OR4K14: variants seen among roughly 807,000 people sequenced by gnomAD.
OR4K14 encodes the protein olfactory receptor family 4 subfamily K member 14.
For synonymous variants in OR4K14, 153 were observed against 141.5 expected (o/e 1.08, Z -0.58); for missense variants, 406 against 373.6 (o/e 1.09, Z -0.72).
Position 20,015,069 on chromosome 14 carries a change from T to C in OR4K14, c.125A>G (p.Asn42Ser), listed in dbSNP as rs1241820554. ...AATTACAGTGACCAAAATGAGAAGG[T>C]TACCCAGCATAATGGCCACATAGAC... ...FGVYVAIMLG[N>S]LLILVTVISD... Residue 42 changes from asparagine (N) to serine (S), a missense_variant, in exon 2 of 2, where the codon AAC becomes AGC. Physicochemically the swap from Asn to Ser is conservative, Grantham distance 46 (BLOSUM62 1). Transcript: ENST00000641793. 4 of 1,613,638 alleles carry C rather than the reference T, an allele frequency of 2.5e-6. No individual in the cohort carries two copies. Among genetic ancestry groups the C allele is most frequent in the Non-Finnish European group, 2.5e-6 (3 of 1,179,844 alleles).
chr14:20,015,546 T>C (rs1019715901), intron 1 of OR4K14, among the ~76,000 whole-genome samples: 2 of 152,188 alleles, frequency 1.3e-5, no homozygotes, highest in African/African-American at 2.4e-5. Flanking sequence ...AGGTTTTGCA[T>C]TGTCATCACA....
chr14:20,014,896 C>A lies in OR4K14; in HGVS notation c.298G>T (p.Ala100Ser). ...GTAAAGTGCAAGAAGAAGATTTGAG[C>A]CATACATCCTCCAAAGGAGATGAGT... Reference protein sequence around the residue: ...QKLISFGGCMAQIFFLHFTGG... With the variant: ...QKLISFGGCMSQIFFLHFTGG... Residue 100 changes from alanine (A) to serine (S), a missense_variant, in exon 2 of 2, where the codon GCT becomes TCT. Transcript: ENST00000641793. 6.2e-7 allele frequency: 1 copy of A among 1,614,142 alleles called. No individual in the cohort carries two copies. Among genetic ancestry groups the A allele is most frequent in the Non-Finnish European group, 8.5e-7 (1 of 1,180,028 alleles).
In OR4K14 at chr14:20,014,214, T is replaced by A; in HGVS notation, c.*47A>T. 8.5e-7 allele frequency: 1 copy of A among 1,181,294 alleles called. No homozygotes were observed. Among genetic ancestry groups the A allele is most frequent in the Non-Finnish European group, 1.2e-6 (1 of 833,590 alleles). 73.2% of individuals were successfully genotyped at this position (1,181,294 alleles called of 1,614,324 possible). On this transcript the variant is annotated 3_prime_UTR_variant, in exon 2 of 2. Transcript: ENST00000641793. ...GAGCAGAATTATATTAAAGAAATTA[T>A]ATCTGCTGAATGAATAGAAACATCT...
chr14:20,016,524 A>G (rs909997324), intron 1 of OR4K14, among the ~76,000 whole-genome samples: 3 of 152,120 alleles, frequency 2.0e-5, no homozygotes, highest in Non-Finnish European at 4.4e-5. Context: ...TCTCTGAGGA[A>G]AATTTGATCT....
chr14:20,015,260 C>A (rs953583610), intron 1 of OR4K14, 38 bp from the exon 2 acceptor site: 8 of 927,958 alleles, frequency 8.6e-6, no homozygotes, highest in Non-Finnish European at 1.3e-5. Flanking sequence ...TGCAGCAACA[C>A]CTCAAGGACA....
chr14:20,014,680 G>A lies in OR4K14; in HGVS notation c.514C>T (p.Pro172Ser). Residue 172 changes from proline (P) to serine (S), a missense_variant, in exon 2 of 2, where the codon CCC becomes TCC. By Grantham distance (74) the Pro-to-Ser change is moderately conservative. Coordinates refer to ENST00000641793, the MANE Select transcript of OR4K14 (RefSeq NM_001004712.2). ...CAGAAGAAGCTGTCTACCTCATTGG[G>A]GCCACAGTAAGGCAAATTTACAGTG... ...AFTVNLPYCG[P>S]NEVDSFFCDL... 6.2e-7 allele frequency: 1 copy of A among 1,614,012 alleles called. No individual in the cohort carries two copies. The highest frequency in any genetic ancestry group is 8.5e-7 in the Non-Finnish European group (1 of 1,179,980).
chr14:20,016,263 G>A (rs566242229), intron 1 of OR4K14, among the ~76,000 whole-genome samples: 1 of 149,544 alleles, frequency 6.7e-6, no homozygotes, highest in South Asian at 2.1e-4. Context: ...TATGATTAAC[G>A]TGTCTTTCTC....
rs367714506 is a variant in OR4K14, at chr14:20,015,149, A to G, written c.45T>C (p.His15=). The G allele has an allele frequency of 2.5e-6, 4 of 1,612,718 alleles. No individual in the cohort carries two copies. Among genetic ancestry groups the G allele is most frequent in the African/African-American group, 1.3e-5 (1 of 74,770 alleles). The change falls in exon 2 of 2, where the codon CAT becomes CAC. Residue 15 remains histidine (H), a synonymous_variant. Coordinates refer to ENST00000641793, the MANE Select transcript of OR4K14 (RefSeq NM_001004712.2). ...GAAGATGTCGTGAAGTGCAGAGTCC[A>G]TGCAACACAAATTCTGACACCAAGG... ...NYSLVSEFVL[H]GLCTSRHLQN...
rs765277167 is a variant in OR4K14, at chr14:20,014,585, G to T, written c.609C>A (p.Asp203Glu). 2.5e-6 allele frequency: 4 copies of T among 1,614,056 alleles called. No individual in the cohort carries two copies. The Admixed American group carries it at 6.7e-5, about 27-fold the overall frequency. The part of the protein sequence containing the change: ...TYVLGIIMIS[D>E]SGLLSLSCFL... ...AACAGCTCAAGGAAAGCAACCCACTGTCTGAGATCATAATTATACCCAAGA... is the reference window on the plus strand; with the variant it reads ...AACAGCTCAAGGAAAGCAACCCACTTTCTGAGATCATAATTATACCCAAGA... The change falls in exon 2 of 2, where the codon GAC (aspartate) becomes GAA (glutamate). Residue 203 changes from aspartate to glutamate, a missense_variant. Physicochemically the swap from Asp to Glu is conservative, Grantham distance 45. Coordinates refer to ENST00000641793, the MANE Select transcript of OR4K14 (RefSeq NM_001004712.2).
Position 20,014,246 on chromosome 14 carries a change from A to T in OR4K14, c.*15T>A. On this transcript the variant is annotated 3_prime_UTR_variant, in exon 2 of 2. Coordinates refer to ENST00000641793, the MANE Select transcript of OR4K14 (RefSeq NM_001004712.2). ...TGAATGAATAGAAACATCTAACACT[A>T]TGGAAGGCTGGATTTCATTGAAAAG... The T allele has an allele frequency of 6.5e-7, 1 of 1,531,220 alleles. No individual in the cohort carries two copies. The highest frequency in any genetic ancestry group is 1.2e-5 in the South Asian group (1 of 82,526). 94.9% of individuals were successfully genotyped at this position (1,531,220 alleles called of 1,614,324 possible). A position where few individuals can be genotyped will look rare whatever the true frequency, so the allele number is the denominator to read the frequency against.
In OR4K14 at chr14:20,017,426, C is replaced by T. The variant is rs116860793; in HGVS notation, c.-30+1717G>A. 6.1e-3 allele frequency among the ~76,000 whole-genome samples: 930 copies of T among 151,758 alleles called. 9 individuals are homozygous for T. The highest frequency in any genetic ancestry group is 0.014 in the Middle Eastern group (4 of 294). On this transcript the variant is annotated intron_variant, in intron 1 of 1. Transcript: ENST00000641793. ...CCTAGGTTTTATTTAGTTTCTTCAC[C>T]CCACAGATTTTTATTTTTGCTCTTA...
chr14:20,018,009 A>G (rs528496624), intron 1 of OR4K14, among the ~76,000 whole-genome samples: 3 of 152,148 alleles, frequency 2.0e-5, no homozygotes, highest in African/African-American at 7.2e-5. Flanking sequence ...GGTATCACAT[A>G]GAATCCTTCA....
rs565234081 is a variant in OR4K14, at chr14:20,018,987, A to C, written c.-30+156T>G. ...AAACCAATGGTGTTTTTAAATTAAA[A>C]TATAAATCCAAATAATAATGAAAAA... On this transcript the variant is annotated intron_variant, in intron 1 of 1. Transcript: ENST00000641793. Among the ~76,000 whole-genome samples the C allele has an allele frequency of 1.8e-4, 27 of 152,164 alleles. No individual in the cohort carries two copies. The South Asian group carries it at 2.7e-3, about 15-fold the overall frequency.
intron 1 of OR4K14, among the ~76,000 whole-genome samples, chr14:20,018,625 G>A (rs558848226): frequency 6.6e-6 from 1 of 152,044 alleles, no homozygotes; most frequent in African/African-American, 2.4e-5. Flanking sequence ...TAAGTGAACA[G>A]AAAGTTGAAA....
chr14:20,014,616 G>T lies in OR4K14; in HGVS notation c.578C>A (p.Thr193Asn). The T allele has an allele frequency of 2.5e-6, 4 of 1,613,988 alleles. No homozygotes were observed. The highest frequency in any genetic ancestry group is 3.4e-6 in the Non-Finnish European group (4 of 1,179,944). ...PLVIKLACMD[T>N]YVLGIIMISD... ...GATCATAATTATACCCAAGACATAGGTGTCCATGCAGGCAAGTTTGATCAC... is the reference window on the plus strand; with the variant it reads ...GATCATAATTATACCCAAGACATAGTTGTCCATGCAGGCAAGTTTGATCAC... Residue 193 changes from threonine (T) to asparagine (N), a missense_variant, in exon 2 of 2, where the codon ACC (threonine) becomes AAC (asparagine). Transcript: ENST00000641793.
Position 20,015,081 on chromosome 14 carries a change from ATGG to A in OR4K14, c.110_112del (p.Ala37_Ile38delinsVal), listed in dbSNP as rs1877068017. 1 of 1,613,806 alleles carries A rather than the reference ATGG, an allele frequency of 6.2e-7. No homozygotes were observed. Among genetic ancestry groups the A allele is most frequent in the Admixed American group, 1.7e-5 (1 of 60,000 alleles). Reference sequence around the variant, plus strand: ...CAAAATGAGAAGGTTACCCAGCATAATGGCCACATAGACCCCAAAGAAAAATAT... The same window carrying A: ...CAAAATGAGAAGGTTACCCAGCATAACCACATAGACCCCAAAGAAAAATAT... On this transcript the variant is annotated inframe_deletion, in exon 2 of 2. Transcript: ENST00000641793.
At chr14:20,016,969 G>T (rs2138662237) in intron 1 of OR4K14, among the ~76,000 whole-genome samples, 1 of 152,076 alleles carries the variant, frequency 6.6e-6, no homozygotes. Flanking sequence ...GAGCGAAAAA[G>T]TAGATCTTCT....
intron 1 of OR4K14, among the ~76,000 whole-genome samples, chr14:20,016,863 T>A (rs1411420444): frequency 6.6e-6 from 1 of 152,004 alleles, no homozygotes; most frequent in African/African-American, 2.4e-5. Context: ...TTCTTCATAA[T>A]CACGCTTTTA....
At position 20,015,025 on chromosome 14, in the gene OR4K14, A is replaced by G. The variant is rs771074849; in HGVS notation, c.169T>C (p.Ser57Pro). 5.6e-6 allele frequency: 9 copies of G among 1,614,006 alleles called. No homozygotes were observed. Residue 57 changes from serine (S) to proline (P), a missense_variant, in exon 2 of 2, where the codon TCC becomes CCC. Coordinates refer to ENST00000641793, the MANE Select transcript of OR4K14 (RefSeq NM_001004712.2). ...VTVISDPCLH[S>P]SPMYFLLGNL... Reference sequence around the variant, plus strand: ...CCCAGCAGGAAGTACATAGGGGAGGAGTGCAGGCAGGGATCAGAAATTACA... The same window carrying G: ...CCCAGCAGGAAGTACATAGGGGAGGGGTGCAGGCAGGGATCAGAAATTACA...
Sources: allele counts gnomAD v4.1 joint callset (sites outside exome capture counted in the v4.1 genomes callset), GRCh38; gene constraint gnomAD v4.1.1; transcripts MANE v1.5; gene names NCBI Gene and HGNC (gene_info 2026-07-23, HGNC 2026-07-21).